Variants in GALNT13 observed in about 807,000 individuals in gnomAD.
GALNT13 encodes polypeptide N-acetylgalactosaminyltransferase 13, also known as UDP-GalNAc:polypeptide N-acetylgalactosaminyltransferase 13.
In GALNT13, 28 loss-of-function variants were observed where a neutral mutation model predicts 64.2. That is an observed-to-expected ratio of 0.44 (90% CI 0.32 to 0.60). The LOEUF is 0.60. Among genes scored for constraint, GALNT13 ranks in the 20% least tolerant of loss-of-function variants. GALNT13 has a pLI of 0.05. For missense variants in GALNT13, 577 were observed against 669.8 expected (o/e 0.86, Z 1.53); for synonymous variants, 214 against 224.6 (o/e 0.95, Z 0.42).
chr2:153,577,453 C>T, the GALNT13 span, among the ~76,000 whole-genome samples: 1 of 152,004 alleles, frequency 6.6e-6, no homozygotes, highest in Non-Finnish European at 1.5e-5. Context: ...GCCTTTCTAG[C>T]TCACAGAAGA....
At chr2:153,660,993 G>A in the GALNT13 span, among the ~76,000 whole-genome samples, 18 of 152,192 alleles carry the variant, frequency 1.2e-4, no homozygotes, top group Admixed American at 2.0e-4. Flanking sequence ...ATAGCTGGAG[G>A]TGATGATATA....
At chr2:154,352,647 T>A (rs1419270723) in intron 9 of GALNT13, among the ~76,000 whole-genome samples, 1 of 152,198 alleles carries the variant, frequency 6.6e-6, no homozygotes, top group African/African-American at 2.4e-5. Context: ...GCTCCATAGC[T>A]CATAACTTGC....
the GALNT13 span, among the ~76,000 whole-genome samples, chr2:153,841,276 CT>C: frequency 6.6e-6 from 1 of 151,992 alleles, no homozygotes; most frequent in African/African-American, 2.4e-5. Context: ...AAATTACCAC[CT>C]TTAAAAATAC....
chr2:154,438,876 T>A, intron 12 of GALNT13, 150 bp downstream of exon 12: 1 of 590,018 alleles, frequency 1.7e-6, no homozygotes, highest in Non-Finnish European at 2.9e-6. Flanking sequence ...AATATTAGGA[T>A]GGCATATCAT....
At chr2:153,125,349 T>G in the GALNT13 span, among the ~76,000 whole-genome samples, 11 of 148,764 alleles carry the variant, frequency 7.4e-5, no homozygotes, top group African/African-American at 2.4e-4. Context: ...AGTTTTAATG[T>G]AGTAACCATT....
At chr2:154,186,062 A>AT (rs930332660) in intron 4 of GALNT13, among the ~76,000 whole-genome samples, 1 of 151,876 alleles carries the variant, frequency 6.6e-6, no homozygotes, top group African/African-American at 2.4e-5. Context: ...TCATCAGAGA[A>AT]TTTTTTTTAC....
the GALNT13 span, among the ~76,000 whole-genome samples, chr2:153,439,794 C>G: frequency 6.6e-6 from 1 of 152,112 alleles, no homozygotes; most frequent in East Asian, 1.9e-4. Context: ...TTCCCTGCTT[C>G]GGCTCACACA....
chr2:153,419,696 T>C, the GALNT13 span, among the ~76,000 whole-genome samples: 1 of 152,182 alleles, frequency 6.6e-6, no homozygotes, highest in African/African-American at 2.4e-5. Flanking sequence ...TGAATGCATG[T>C]AAAACTAGTG....
At chr2:153,477,365 GA>G in the GALNT13 span, 1 of 152,564 alleles carries the variant, frequency 6.6e-6, no homozygotes, top group Non-Finnish European at 1.5e-5. Flanking sequence ...ATTTATTAAG[GA>G]AATGTTAAAT....
At chr2:154,370,239 AG>A (rs1292121663) in intron 9 of GALNT13, among the ~76,000 whole-genome samples, 11 of 152,258 alleles carry the variant, frequency 7.2e-5, no homozygotes, top group African/African-American at 2.6e-4. Context: ...CAGATCTTGA[AG>A]GTCTTCTAGA....
At chr2:153,973,545 A>G (rs55840309) in intron 3 of GALNT13, among the ~76,000 whole-genome samples, 63 of 151,920 alleles carry the variant, frequency 4.1e-4, no homozygotes, top group Non-Finnish European at 8.4e-4. Flanking sequence ...TCCCATTATA[A>G]TCTTTTTATA....
chr2:154,359,798 A>G (rs1322676253), intron 9 of GALNT13, among the ~76,000 whole-genome samples: 2 of 152,144 alleles, frequency 1.3e-5, no homozygotes, highest in African/African-American at 2.4e-5. Flanking sequence ...AATGGAGCAG[A>G]TGGGTATGTA....
chr2:153,958,625 T>C (rs6718250), intron 3 of GALNT13, among the ~76,000 whole-genome samples: 15,578 of 152,166 alleles, frequency 0.1, 1,883 homozygotes, highest in East Asian at 0.62. Flanking sequence ...TAAGGATCTC[T>C]ACAGAGGGTT....
At chr2:153,431,021 A>G in the GALNT13 span, among the ~76,000 whole-genome samples, 2 of 151,860 alleles carry the variant, frequency 1.3e-5, no homozygotes, top group South Asian at 4.2e-4. Context: ...ATGGTGGCAC[A>G]TGCCTGTAAT....
chr2:153,943,589 G>A (rs1234910541), intron 2 of GALNT13, among the ~76,000 whole-genome samples: 1 of 151,888 alleles, frequency 6.6e-6, no homozygotes, highest in Non-Finnish European at 1.5e-5. Context: ...CCACCTACCA[G>A]GTTCAAGTGA....
chr2:153,118,632 CAA>C, the GALNT13 span, among the ~76,000 whole-genome samples: 1 of 151,816 alleles, frequency 6.6e-6, no homozygotes, highest in Non-Finnish European at 1.5e-5. Context: ...CATAAAGGCT[CAA>C]TAAATAATTG....
intron 12 of GALNT13, among the ~76,000 whole-genome samples, chr2:154,442,310 A>G (rs1701339133): frequency 6.6e-6 from 1 of 152,146 alleles, no homozygotes; most frequent in South Asian, 2.1e-4. Context: ...CTTGTAATTG[A>G]ATGAAACTAA....
At chr2:154,404,596 A>G (rs1230256009) in intron 10 of GALNT13, among the ~76,000 whole-genome samples, 2 of 152,170 alleles carry the variant, frequency 1.3e-5, no homozygotes, top group East Asian at 3.9e-4. Flanking sequence ...ATTGGATAAT[A>G]GTAGCTGAAA....
At chr2:153,706,005 T>C in the GALNT13 span, among the ~76,000 whole-genome samples, 1 of 152,088 alleles carries the variant, frequency 6.6e-6, no homozygotes, top group Non-Finnish European at 1.5e-5. Flanking sequence ...TATATATATT[T>C]TCTTTTTTTT....
Sources: allele counts gnomAD v4.1 joint callset (sites outside exome capture counted in the v4.1 genomes callset), GRCh38; gene constraint gnomAD v4.1.1; transcripts MANE v1.5; gene names NCBI Gene and HGNC (gene_info 2026-07-23, HGNC 2026-07-21).